Variants in TLN2 observed in about 807,000 individuals in gnomAD.
The protein encoded by TLN2 is talin 2.
A neutral mutation model predicts 294.7 loss-of-function variants in TLN2; 118 were observed. That is an observed-to-expected ratio of 0.40 (90% CI 0.34 to 0.47). The LOEUF (loss-of-function observed/expected upper bound fraction) is 0.47, where lower values mean the gene tolerates loss of function less well. TLN2 is among the 20% of genes least tolerant of loss of function. The pLI is 0.84. For synonymous variants in TLN2, 1,431 were observed against 1,304.5 expected (o/e 1.10, Z -2.09); for missense variants, 3,083 against 3,282.2 (o/e 0.94, Z 1.48).
intron 3 of TLN2, among the ~76,000 whole-genome samples, chr15:62,641,484 C>T (rs2051093675): frequency 6.6e-6 from 1 of 152,004 alleles, no homozygotes; most frequent in South Asian, 2.1e-4. Context: ...GGCATGGTGG[C>T]ACCTGCCTGT....
chr15:62,800,633 C>G lies in TLN2; in HGVS notation c.6361-20C>G. The G allele has an allele frequency of 6.2e-7, 1 of 1,613,366 alleles. No individual in the cohort carries two copies. Among genetic ancestry groups the G allele is most frequent in the Non-Finnish European group, 8.5e-7 (1 of 1,179,516 alleles). On this transcript the variant is annotated intron_variant, in intron 49 of 58. Transcript: ENST00000636159. ...CCTGAGTCACTGCACTATCTGTATTCATTCTCCCTTCCTATGCAGGTGATG... is the reference window on the plus strand; with the variant it reads ...CCTGAGTCACTGCACTATCTGTATTGATTCTCCCTTCCTATGCAGGTGATG...
At chr15:62,419,778 A>T (rs1462865528) in intron 1 of TLN2, among the ~76,000 whole-genome samples, 2 of 152,030 alleles carry the variant, frequency 1.3e-5, no homozygotes, top group African/African-American at 4.8e-5. Context: ...CTGGGACTAC[A>T]GGTGCACCCC....
intron 1 of TLN2, among the ~76,000 whole-genome samples, chr15:62,497,400 C>A (rs1443284523): frequency 6.6e-6 from 1 of 152,178 alleles, no homozygotes; most frequent in Non-Finnish European, 1.5e-5. Flanking sequence ...AGTGGATGGA[C>A]CCTTAGTTAG....
chr15:62,628,607 T>C (rs920809556), intron 3 of TLN2, among the ~76,000 whole-genome samples: 1 of 152,246 alleles, frequency 6.6e-6, no homozygotes, highest in Non-Finnish European at 1.5e-5. Context: ...AATTAAGATC[T>C]AGGATTAGAA....
intron 1 of TLN2, among the ~76,000 whole-genome samples, chr15:62,516,167 G>A (rs1472653652): frequency 2.6e-5 from 4 of 152,264 alleles, no homozygotes; most frequent in African/African-American, 7.2e-5. Context: ...TTTTGCTGCC[G>A]TTTCCGTTGC....
chr15:62,786,799 C>A (rs895320827), intron 45 of TLN2, among the ~76,000 whole-genome samples: 1 of 152,314 alleles, frequency 6.6e-6, no homozygotes, highest in African/African-American at 2.4e-5. Flanking sequence ...CCATTGGAAC[C>A]ACTCTTTTAT....
chr15:62,733,712 C>T (rs1032728769), intron 28 of TLN2, among the ~76,000 whole-genome samples: 3 of 152,200 alleles, frequency 2.0e-5, no homozygotes, highest in African/African-American at 7.2e-5. Flanking sequence ...CTTGATATGC[C>T]TGTATAAGAC....
intron 54 of TLN2, among the ~76,000 whole-genome samples, chr15:62,824,769 A>G (rs565672549): frequency 5.8e-4 from 89 of 152,340 alleles, no homozygotes; most frequent in African/African-American, 2.0e-3. Flanking sequence ...CTGGTACATA[A>G]CAGCCTTCTT....
chr15:62,666,121 G>A (rs927948203), intron 9 of TLN2, among the ~76,000 whole-genome samples: 5 of 152,130 alleles, frequency 3.3e-5, no homozygotes, highest in African/African-American at 1.2e-4. Context: ...GAGTTCCTGG[G>A]CAGTGGCGTG....
chr15:62,783,697 C>T, intron 44 of TLN2, 74 bp from the exon 45 acceptor site: 1 of 1,488,352 alleles, frequency 6.7e-7, no homozygotes, highest in South Asian at 1.3e-5. Context: ...GTGATATTAA[C>T]ACATGGTTCT....
chr15:62,768,222 G>C (rs1016512482), intron 41 of TLN2, among the ~76,000 whole-genome samples: 15 of 152,206 alleles, frequency 9.9e-5, no homozygotes, highest in Non-Finnish European at 2.1e-4. Flanking sequence ...TAAAACAACA[G>C]AAATTTATTC....
chr15:62,426,718 T>A (rs1175207890), intron 1 of TLN2, among the ~76,000 whole-genome samples: 1 of 152,160 alleles, frequency 6.6e-6, no homozygotes. Flanking sequence ...CTTCATGGTA[T>A]TTTTTTCATT....
intron 3 of TLN2, among the ~76,000 whole-genome samples, chr15:62,633,728 TG>T (rs750211152): frequency 1.4e-4 from 21 of 152,228 alleles, no homozygotes; most frequent in Non-Finnish European, 2.8e-4. Flanking sequence ...ATATCCTAAT[TG>T]GGCCTGTATT....
chr15:62,557,014 A>AATTTGT (rs2042642613), intron 1 of TLN2, among the ~76,000 whole-genome samples: 1 of 152,246 alleles, frequency 6.6e-6, no homozygotes, highest in Admixed American at 6.5e-5. Flanking sequence ...TTGATCAAAA[A>AATTTGT]CAGATTCTCA....
chr15:62,557,997 C>T (rs1156677475), intron 1 of TLN2, among the ~76,000 whole-genome samples: 2 of 152,220 alleles, frequency 1.3e-5, no homozygotes, highest in African/African-American at 2.4e-5. Context: ...AGCTCCTGAT[C>T]TCATTGCCTA....
At chr15:62,614,538 A>T (rs905958311) in intron 2 of TLN2, among the ~76,000 whole-genome samples, 1 of 152,110 alleles carries the variant, frequency 6.6e-6, no homozygotes, top group Admixed American at 6.5e-5. Flanking sequence ...CCTTCTTTCT[A>T]TCCCGCCACC....
At chr15:62,496,581 A>G (rs1217530315) in intron 1 of TLN2, among the ~76,000 whole-genome samples, 1 of 152,188 alleles carries the variant, frequency 6.6e-6, no homozygotes, top group Non-Finnish European at 1.5e-5. Context: ...TTCTTGCATC[A>G]GAACCCACTG....
At chr15:62,810,765 AC>A (rs2066627279) in intron 52 of TLN2, among the ~76,000 whole-genome samples, 1 of 152,130 alleles carries the variant, frequency 6.6e-6, no homozygotes, top group African/African-American at 2.4e-5. Context: ...CATGTTTAGA[AC>A]CATGTAAGGT....
At chr15:62,438,829 C>A (rs2035415372) in intron 1 of TLN2, among the ~76,000 whole-genome samples, 1 of 152,182 alleles carries the variant, frequency 6.6e-6, no homozygotes, top group South Asian at 2.1e-4. Flanking sequence ...AGGGAAGGGT[C>A]CCCTGGCTGA....
Sources: gnomAD v4.1 joint callset for allele counts (sites outside exome capture counted in the v4.1 genomes callset) on GRCh38, gnomAD v4.1.1 for gene constraint, MANE v1.5 for transcripts, NCBI Gene and HGNC (gene_info 2026-07-23, HGNC 2026-07-21) for gene names.